ADAMTS12: variants seen among roughly 807,000 people sequenced by gnomAD.
The protein encoded by ADAMTS12 is ADAM metallopeptidase with thrombospondin type 1 motif 12.
In ADAMTS12, 118 loss-of-function variants were observed where a neutral mutation model predicts 167.8. The observed-to-expected ratio is 0.70, with a 90% CI of 0.61 to 0.82. The LOEUF (loss-of-function observed/expected upper bound fraction) is 0.82. ADAMTS12 is among the 40% of genes least tolerant of loss of function. The pLI is 0.00. For synonymous variants in ADAMTS12, 704 were observed against 716.9 expected (o/e 0.98, Z 0.29); for missense variants, 1,916 against 1,998.8 (o/e 0.96, Z 0.79).
chr5:33,609,074 G>A (rs1340602977), intron 16 of ADAMTS12, among the ~76,000 whole-genome samples: 1 of 152,118 alleles, frequency 6.6e-6, no homozygotes, highest in East Asian at 1.9e-4. Flanking sequence ...TTTAAAATAA[G>A]GTATTAAAAT....
intron 3 of ADAMTS12, among the ~76,000 whole-genome samples, chr5:33,708,486 C>T (rs1485891825): frequency 1.3e-5 from 2 of 152,180 alleles, no homozygotes; most frequent in East Asian, 1.9e-4. Context: ...ACTATAAAGA[C>T]ACATGCACAC....
intron 3 of ADAMTS12, among the ~76,000 whole-genome samples, chr5:33,687,088 GT>G (rs11374890): frequency 1.0e-4 from 15 of 147,164 alleles, no homozygotes; most frequent in South Asian, 4.3e-4. Flanking sequence ...TAAGACATGA[GT>G]TTTTTTTTTT....
intron 20 of ADAMTS12, 70 bp downstream of exon 20, chr5:33,560,957 T>C (rs979856685): frequency 8.4e-6 from 13 of 1,551,822 alleles, no homozygotes; most frequent in Non-Finnish European, 1.1e-5. Context: ...CAAGTGTTTA[T>C]ATAAGATTCC....
At chr5:33,813,566 G>T (rs1057308872) in intron 2 of ADAMTS12, among the ~76,000 whole-genome samples, 1 of 152,184 alleles carries the variant, frequency 6.6e-6, no homozygotes, top group African/African-American at 2.4e-5. Context: ...ATTATGCACT[G>T]CCAGTTCTGA....
chr5:33,817,916 A>C (rs10941101), intron 2 of ADAMTS12, among the ~76,000 whole-genome samples: 33,459 of 152,032 alleles, frequency 0.22, 4,185 homozygotes, highest in Admixed American at 0.29. Context: ...TACTTAAAAG[A>C]TCCTTTTCAT....
intron 2 of ADAMTS12, among the ~76,000 whole-genome samples, chr5:33,788,517 C>A (rs1284873005): frequency 6.6e-6 from 1 of 152,054 alleles, no homozygotes; most frequent in African/African-American, 2.4e-5. Flanking sequence ...ACACAAAAAG[C>A]AAATGTTGTC....
intron 19 of ADAMTS12, among the ~76,000 whole-genome samples, chr5:33,569,191 A>T (rs1391186001): frequency 6.6e-6 from 1 of 152,256 alleles, no homozygotes; most frequent in Non-Finnish European, 1.5e-5. Context: ...AAAAGATAGC[A>T]GTAACCTCTG....
chr5:33,889,888 G>T (rs1750782027), intron 1 of ADAMTS12, among the ~76,000 whole-genome samples: 1 of 152,184 alleles, frequency 6.6e-6, no homozygotes. Context: ...GGAGGCAGAG[G>T]TTGCAGTGAG....
At chr5:33,737,114 C>T (rs1454192905) in intron 3 of ADAMTS12, among the ~76,000 whole-genome samples, 14 of 152,182 alleles carry the variant, frequency 9.2e-5, no homozygotes, top group Admixed American at 9.2e-4. Flanking sequence ...TACCTGCGTT[C>T]TGTTTGCTCT....
chr5:33,573,081 T>C, intron 19 of ADAMTS12, among the ~76,000 whole-genome samples: 1 of 152,122 alleles, frequency 6.6e-6, no homozygotes, highest in Middle Eastern at 3.2e-3. Context: ...TACAAACCAC[T>C]GCTCAATGAA....
chr5:33,618,328 A>G (rs1001484509), intron 14 of ADAMTS12, among the ~76,000 whole-genome samples: 4 of 152,192 alleles, frequency 2.6e-5, no homozygotes, highest in Admixed American at 6.5e-5. Flanking sequence ...GAGGAAGTGG[A>G]GATGGAGGAA....
intron 3 of ADAMTS12, among the ~76,000 whole-genome samples, chr5:33,707,751 T>A (rs925886238): frequency 6.6e-5 from 10 of 152,184 alleles, no homozygotes; most frequent in African/African-American, 2.4e-4. Context: ...GCTAGCCATA[T>A]GCAGAAAACT....
At chr5:33,566,158 G>A (rs546782067) in intron 19 of ADAMTS12, among the ~76,000 whole-genome samples, 214 of 152,268 alleles carry the variant, frequency 1.4e-3, no homozygotes, top group African/African-American at 4.9e-3. Flanking sequence ...ATGACAGTCA[G>A]TTCAAATGGA....
chr5:33,575,248 T>C (rs1746633917), intron 19 of ADAMTS12, among the ~76,000 whole-genome samples: 1 of 152,180 alleles, frequency 6.6e-6, no homozygotes, highest in Non-Finnish European at 1.5e-5. Context: ...TTTAACAAGT[T>C]TTGTCTTAGG....
chr5:33,687,430 A>G (rs10941080), intron 3 of ADAMTS12, among the ~76,000 whole-genome samples: 89,102 of 152,142 alleles, frequency 0.59, 26,969 homozygotes, highest in Non-Finnish European at 0.67. Flanking sequence ...AGATTCAGCC[A>G]TCTGTGTGAT....
At chr5:33,570,709 TAAC>T (rs1338529377) in intron 19 of ADAMTS12, among the ~76,000 whole-genome samples, 2 of 150,714 alleles carry the variant, frequency 1.3e-5, no homozygotes, top group Admixed American at 1.3e-4. Context: ...AATAACCAGC[TAAC>T]ATCATAATGA....
At chr5:33,762,147 G>A (rs1275910845) in intron 2 of ADAMTS12, among the ~76,000 whole-genome samples, 2 of 151,858 alleles carry the variant, frequency 1.3e-5, no homozygotes, top group East Asian at 1.9e-4. Flanking sequence ...AGCCAAGATC[G>A]TGCCACTGCA....
At chr5:33,809,305 T>G (rs1747356252) in intron 2 of ADAMTS12, among the ~76,000 whole-genome samples, 1 of 152,044 alleles carries the variant, frequency 6.6e-6, no homozygotes. Flanking sequence ...AGCAAGAGTT[T>G]AGCAGATTCA....
intron 2 of ADAMTS12, among the ~76,000 whole-genome samples, chr5:33,877,312 G>A (rs955705924): frequency 5.9e-5 from 9 of 152,154 alleles, no homozygotes; most frequent in Non-Finnish European, 7.4e-5. Flanking sequence ...GAATTAGAAC[G>A]CCCTTTGAAA....
Sources: allele counts gnomAD v4.1 joint callset (sites outside exome capture counted in the v4.1 genomes callset), GRCh38; gene constraint gnomAD v4.1.1; transcripts MANE v1.5; gene names NCBI Gene and HGNC (gene_info 2026-07-23, HGNC 2026-07-21).